Variants in SIPA1L1 observed in about 807,000 individuals in gnomAD.
SIPA1L1 encodes signal induced proliferation associated 1 like 1.
A neutral mutation model predicts 162.7 loss-of-function variants in SIPA1L1; 26 were observed. The observed-to-expected ratio is 0.16, with a 90% CI of 0.12 to 0.22. SIPA1L1 has a LOEUF of 0.22. Ranked by LOEUF, SIPA1L1 falls within the 10% of genes least tolerant of loss-of-function variation. The probability of loss-of-function intolerance (pLI) is 1.00; values close to 1 mark genes in which losing one functional copy is unlikely to be tolerated. For missense variants in SIPA1L1, 1,874 were observed against 2,241.0 expected, an observed-to-expected ratio of 0.84 and a Z score of 3.31; for synonymous variants, 829 against 837.4, an observed-to-expected ratio of 0.99 and a Z score of 0.17.
chr14:71,613,440 T>A (rs1043897978), intron 5 of SIPA1L1, among the ~76,000 whole-genome samples: 1 of 152,134 alleles, frequency 6.6e-6, no homozygotes, highest in Non-Finnish European at 1.5e-5. Context: ...ATTATATCAT[T>A]CTAATATGGT....
chr14:71,564,738 C>G (rs536907965), intron 4 of SIPA1L1, among the ~76,000 whole-genome samples: 59 of 152,260 alleles, frequency 3.9e-4, no homozygotes, highest in African/African-American at 1.4e-3. Context: ...ATCCGCCCGC[C>G]TTGGTCTCCC....
Position 71,587,108 on chromosome 14 carries a change from A to G in SIPA1L1, c.-302-463A>G, listed in dbSNP as rs1163132620. On this transcript the variant is annotated intron_variant, in intron 4 of 23. Coordinates refer to ENST00000381232, the MANE Select transcript of SIPA1L1 (RefSeq NM_001386936.1). Reference sequence around the variant, plus strand: ...AGAGGAGTTAAAAAGTGATTGTTGCAGCATATTCAGTAAAGTCATTTTTCA... The same window carrying G: ...AGAGGAGTTAAAAAGTGATTGTTGCGGCATATTCAGTAAAGTCATTTTTCA... Among the ~76,000 whole-genome samples, 5 of 152,348 alleles carry G rather than the reference A, an allele frequency of 3.3e-5. 1 individual carries two copies. In the East Asian group the frequency reaches 9.6e-4, roughly 29 times the overall value.
rs151165100 is a variant in SIPA1L1, at chr14:71,576,267, ACTCT to A, written c.-302-11302_-302-11299del. Among the ~76,000 whole-genome samples the A allele has an allele frequency of 2.2e-4, 34 of 152,268 alleles. No individual in the cohort carries two copies. In the East Asian group the frequency reaches 6.6e-3, roughly 29 times the overall value. On this transcript the variant is annotated intron_variant, in intron 4 of 23. Coordinates refer to ENST00000381232, the MANE Select transcript of SIPA1L1 (RefSeq NM_001386936.1). ...ACAAGGAACATGGCTTAGGGATCAGACTCTCGAGCAGTGACCCAGTCTCGTCTAA... is the reference window on the plus strand; with the variant it reads ...ACAAGGAACATGGCTTAGGGATCAGACGAGCAGTGACCCAGTCTCGTCTAA...
At chr14:71,381,939 A>T (rs1463353469) in intron 2 of SIPA1L1, among the ~76,000 whole-genome samples, 1 of 152,114 alleles carries the variant, frequency 6.6e-6, no homozygotes, top group Non-Finnish European at 1.5e-5. Flanking sequence ...GTACTGTCTG[A>T]GTTCTGCTTT....
chr14:71,648,682 T>A (rs889463238), intron 7 of SIPA1L1, among the ~76,000 whole-genome samples: 2 of 152,204 alleles, frequency 1.3e-5, no homozygotes, highest in African/African-American at 4.8e-5. Flanking sequence ...CAAAGATGAA[T>A]AAATTAAAAG....
At chr14:71,346,006 C>G (rs2036129405) in intron 2 of SIPA1L1, among the ~76,000 whole-genome samples, 2 of 152,134 alleles carry the variant, frequency 1.3e-5, no homozygotes, top group African/African-American at 4.8e-5. Context: ...TTCCCGGATT[C>G]AAGCAATTCT....
At chr14:71,340,634 C>T (rs550096878) in intron 2 of SIPA1L1, among the ~76,000 whole-genome samples, 2 of 152,238 alleles carry the variant, frequency 1.3e-5, no homozygotes, top group South Asian at 2.1e-4. Flanking sequence ...GAGACTCAGG[C>T]GTGGTTTGCA....
At chr14:71,520,537 G>T (rs1460251346) in intron 3 of SIPA1L1, among the ~76,000 whole-genome samples, 1 of 152,146 alleles carries the variant, frequency 6.6e-6, no homozygotes, top group East Asian at 1.9e-4. Context: ...CACTCTGGAA[G>T]CCCCTGATGG....
At chr14:71,661,848 TAAAG>T (rs1265008021) in intron 10 of SIPA1L1, among the ~76,000 whole-genome samples, 2 of 152,218 alleles carry the variant, frequency 1.3e-5, no homozygotes, top group African/African-American at 4.8e-5. Flanking sequence ...GCATTGTTAT[TAAAG>T]AAGCCTAAAT....
chr14:71,733,497 G>A (rs566960887), intron 20 of SIPA1L1, among the ~76,000 whole-genome samples, 169 bp from the exon 21 acceptor site: 17 of 152,350 alleles, frequency 1.1e-4, no homozygotes, highest in East Asian at 1.9e-4. Flanking sequence ...AGAGGAAGCC[G>A]ATTCCTATTT....
At chr14:71,716,792 G>A (rs1372380059) in intron 17 of SIPA1L1, among the ~76,000 whole-genome samples, 1 of 152,222 alleles carries the variant, frequency 6.6e-6, no homozygotes, top group East Asian at 1.9e-4. Context: ...CCACAGCTGG[G>A]AATGTAAAAT....
intron 4 of SIPA1L1, among the ~76,000 whole-genome samples, chr14:71,577,607 G>C (rs1481620265): frequency 6.6e-6 from 1 of 151,978 alleles, no homozygotes; most frequent in African/African-American, 2.4e-5. Context: ...TTGAACTCCT[G>C]ATCTCAGGTG....
Position 71,377,168 on chromosome 14 carries a change from C to T in SIPA1L1, c.-465+55987C>T, listed in dbSNP as rs1312620032. On this transcript the variant is annotated intron_variant, in intron 2 of 23. Coordinates refer to ENST00000381232, the MANE Select transcript of SIPA1L1 (RefSeq NM_001386936.1). This position sits in a 1 kb window ranked among gnomAD's most constrained non-coding sequence, Gnocchi z 4.8. ...GCGGCCAGGCAGAGGCAGCCCCCAC[C>T]TCCCAGATGGGGCGGCGGCCGGGTG... 6.7e-6 allele frequency among the ~76,000 whole-genome samples: 1 copy of T among 149,616 alleles called. No homozygotes were observed. The highest frequency in any genetic ancestry group is 1.5e-5 in the Non-Finnish European group (1 of 67,216).
rs1183090094 is a variant in SIPA1L1 at position 71,729,981 on chromosome 14, AC to A, written c.4615-71del. ...TCTGGAGCAGTAACTTGGTTATCCC[AC>A]CCTCCCCCAACCTTGGTCTCAGGGA... On this transcript the variant is annotated intron_variant, in intron 19 of 23. Coordinates refer to ENST00000381232, the MANE Select transcript of SIPA1L1 (RefSeq NM_001386936.1). 1.6e-5 allele frequency: 24 copies of A among 1,535,778 alleles called. No individual in the cohort carries two copies. In the East Asian group the frequency reaches 5.4e-4, roughly 35 times the overall value.
At chr14:71,446,894 GTTTTTTTTTTTGTTTTTTTT>G (rs1327645209) in intron 2 of SIPA1L1, among the ~76,000 whole-genome samples, 35 of 87,404 alleles carry the variant, frequency 4.0e-4, no homozygotes, top group East Asian at 4.1e-4. Context: ...GATGGGCTCT[GTTTTTTTTTTTGTTTTTTTT>G]TTTTTTTTTT....
chr14:71,432,875 T>C (rs2044099937), intron 2 of SIPA1L1, among the ~76,000 whole-genome samples: 1 of 152,224 alleles, frequency 6.6e-6, no homozygotes, highest in Non-Finnish European at 1.5e-5. Context: ...AAATACTATT[T>C]TGTTTTTGTG....
chr14:71,680,974 C>A (rs534060004), intron 12 of SIPA1L1, among the ~76,000 whole-genome samples: 1 of 152,330 alleles, frequency 6.6e-6, no homozygotes, highest in Admixed American at 6.5e-5. Flanking sequence ...ACTCCCTCCT[C>A]TACCCAGCTC....
intron 2 of SIPA1L1, among the ~76,000 whole-genome samples, chr14:71,457,948 C>T (rs1595563208): frequency 6.6e-6 from 1 of 152,128 alleles, no homozygotes; most frequent in African/African-American, 2.4e-5. Context: ...GATTCCAGTT[C>T]TTTTTTTGGA....
intron 21 of SIPA1L1, among the ~76,000 whole-genome samples, chr14:71,734,197 C>T (rs1165467812): frequency 6.6e-6 from 1 of 152,256 alleles, no homozygotes; most frequent in African/African-American, 2.4e-5. Context: ...CGCGCCTATC[C>T]TCACAAATGT....
Sources: gnomAD v4.1 joint callset for allele counts (sites outside exome capture counted in the v4.1 genomes callset) on GRCh38, gnomAD v4.1.1 for gene constraint, Gnocchi (gnomAD v3.1) non-coding constraint, MANE v1.5 for transcripts, NCBI Gene and HGNC (gene_info 2026-07-23, HGNC 2026-07-21) for gene names.